The following ZNF28 variants were observed in gnomAD, a reference collection of about 807,000 sequenced individuals.
The protein encoded by ZNF28 is zinc finger protein 28.
Under a neutral mutation model 7.2 loss-of-function variants are expected in ZNF28, and 5 were observed. The ratio of observed to expected loss-of-function variants is 0.70; its 90% CI spans 0.36 to 1.46. The LOEUF is 1.46. Among genes scored for constraint, ZNF28 ranks in the 40% most tolerant of loss-of-function variants. The pLI is 0.03. For missense variants in ZNF28, 879 were observed against 866.6 expected (o/e 1.01, Z -0.18); for synonymous variants, 288 against 292.4 (o/e 0.99, Z 0.15).
intron 2 of ZNF28, chr19:52,810,285 G>A: frequency 1.4e-6 from 2 of 1,479,126 alleles, no homozygotes; most frequent in Non-Finnish European, 1.9e-6. Flanking sequence ...GTCCATTGAG[G>A]AGAAGATGGA....
rs1292060982 is a variant in ZNF28, at chr19:52,797,714, TAC to T, written c.*1972_*1973del. ...ATCAAAATGATTAAAAACATATAAA[TAC>T]ACATACAATCCATACTGATTGGAAA... On this transcript the variant is annotated 3_prime_UTR_variant, in exon 4 of 4. Coordinates refer to ENST00000457749, the MANE Select transcript of ZNF28 (RefSeq NM_006969.5). 6.5e-6 allele frequency: 1 copy of T among 153,156 alleles called. No homozygotes were observed. The highest frequency in any genetic ancestry group is 1.5e-5 in the Non-Finnish European group (1 of 68,030). The allele number at this position is 153,156 out of a possible 1,614,324, so 9.5% of individuals were successfully genotyped here.
rs768439695 is a variant in ZNF28 at position 52,800,916 on chromosome 19, C to A, written c.929G>T (p.Arg310Leu). ...ECEECDKVFS[R>L]KSHLETHKII... is the part of the protein sequence containing the mutation. ...CTTATGTGTTTCAAGGTGTGATTTG[C>A]GACTGAAAACTTTGTCACATTCTTC... The change falls in exon 4 of 4, where the codon CGC becomes CTC. Residue 310 changes from arginine to leucine, a missense_variant. Around this residue, in one of 2 missense-constraint regions of ZNF28, gnomAD observed 864 missense variants for 830.2 expected, o/e 1.04. Coordinates refer to ENST00000457749, the MANE Select transcript of ZNF28 (RefSeq NM_006969.5). 6 of 1,613,944 alleles carry A rather than the reference C, an allele frequency of 3.7e-6. No individual in the cohort carries two copies. The South Asian group carries it at 5.5e-5, about 15-fold the overall frequency.
chr19:52,806,970 T>G (rs114918869), intron 3 of ZNF28, among the ~76,000 whole-genome samples: 3,857 of 152,228 alleles, frequency 0.025, 62 homozygotes, highest in East Asian at 0.061. Flanking sequence ...AAAGATATCT[T>G]TTCAGAGATG....
chr19:52,804,730 C>A (rs1215106172), intron 3 of ZNF28, among the ~76,000 whole-genome samples: 1 of 152,078 alleles, frequency 6.6e-6, no homozygotes, highest in Non-Finnish European at 1.5e-5. Flanking sequence ...GTCTCAAACT[C>A]CTGACCTCAA....
intron 1 of ZNF28, among the ~76,000 whole-genome samples, chr19:52,818,664 G>T (rs554671391): frequency 1.7e-4 from 26 of 152,066 alleles, no homozygotes; most frequent in Non-Finnish European, 2.8e-4. Context: ...CCAAGATCGC[G>T]CCACTCCACT....
chr19:52,821,221 G>T (rs1406127008), intron 1 of ZNF28, among the ~76,000 whole-genome samples: 1 of 152,128 alleles, frequency 6.6e-6, no homozygotes, highest in Non-Finnish European at 1.5e-5. Context: ...GGGTCGCCGC[G>T]CTGTGCTCCA....
rs1305705731 is a variant in ZNF28, at chr19:52,798,534, G to T, written c.*1154C>A. Reference sequence around the variant, plus strand: ...ATGACATTTGTAAGATTTCTGTCCAGCATGGATTCTCTGATGTCTATTGAG... The same window carrying T: ...ATGACATTTGTAAGATTTCTGTCCATCATGGATTCTCTGATGTCTATTGAG... On this transcript the variant is annotated 3_prime_UTR_variant, in exon 4 of 4. Coordinates refer to ENST00000457749, the MANE Select transcript of ZNF28 (RefSeq NM_006969.5). 1 of 511,570 alleles carries T rather than the reference G, an allele frequency of 2.0e-6. No individual in the cohort carries two copies. Among genetic ancestry groups the T allele is most frequent in the East Asian group, 5.6e-5 (1 of 17,924 alleles). 31.7% of individuals were successfully genotyped at this position (511,570 alleles called of 1,614,324 possible).
At chr19:52,821,114 A>G (rs2063192012) in intron 1 of ZNF28, among the ~76,000 whole-genome samples, 1 of 152,120 alleles carries the variant, frequency 6.6e-6, no homozygotes. Flanking sequence ...AGCAGGGCCC[A>G]GCAAGAGGAG....
Position 52,800,483 on chromosome 19 carries a change from A to C in ZNF28, c.1362T>G (p.Leu454=), listed in dbSNP as rs952857896. 6 of 1,613,486 alleles carry C rather than the reference A, an allele frequency of 3.7e-6. No individual in the cohort carries two copies. The highest frequency in any genetic ancestry group is 1.6e-4 in the Middle Eastern group (1 of 6,084). The change falls in exon 4 of 4, where the codon CTT becomes CTG. Residue 454 remains leucine, a synonymous_variant. Transcript: ENST00000457749. ...CGKVFNQQST[L]ARHHRLHTAE... ...CAGTATGAAGTCTATGATGGCGTGC[A>C]AGAGTTGATTGTTGATTAAAAACCT...
chr19:52,811,109 G>T (rs912033000), intron 2 of ZNF28, among the ~76,000 whole-genome samples: 8 of 150,408 alleles, frequency 5.3e-5, no homozygotes, highest in African/African-American at 1.5e-4. Context: ...GGCTGGGCTG[G>T]TCTCCAGCTC....
At chr19:52,809,846 T>C (rs139455024) in intron 2 of ZNF28, 330 of 491,072 alleles carry the variant, frequency 6.7e-4, no homozygotes, top group Non-Finnish European at 1.0e-3. Context: ...GCGGTGGCGG[T>C]GGTGGCAGTA....
Position 52,801,466 on chromosome 19 carries a change from C to G in ZNF28, c.379G>C (p.Asp127His), listed in dbSNP as rs1332190676. The G allele has an allele frequency of 6.2e-7, 1 of 1,614,190 alleles. No homozygotes were observed. The highest frequency in any genetic ancestry group is 1.7e-5 in the Admixed American group (1 of 60,022). Residue 127 changes from aspartate (D) to histidine (H), a missense_variant, in exon 4 of 4, where the codon GAT becomes CAT. Asp to His is a moderately conservative substitution (Grantham distance 81). Around this residue, in one of 2 missense-constraint regions of ZNF28, gnomAD observed 864 missense variants for 830.2 expected, o/e 1.04. Transcript: ENST00000457749. Reference protein sequence around the residue: ...KELTGSTGQHDQRHAGNKHIK... With the variant: ...KELTGSTGQHHQRHAGNKHIK... ...TGCTTGTTTCCAGCATGCCTTTGATCATGTTGGCCTGTACTACCAGTCAAC... is the reference window on the plus strand; with the variant it reads ...TGCTTGTTTCCAGCATGCCTTTGATGATGTTGGCCTGTACTACCAGTCAAC...
At position 52,800,384 on chromosome 19, in the gene ZNF28, C is replaced by A; in HGVS notation, c.1461G>T (p.Arg487Ser). 2 of 1,613,898 alleles carry A rather than the reference C, an allele frequency of 1.2e-6. No homozygotes were observed. The highest frequency in any genetic ancestry group is 1.7e-6 in the Non-Finnish European group (2 of 1,179,958). Residue 487 changes from arginine (R) to serine (S), a missense_variant, in exon 4 of 4, where the codon AGG (arginine) becomes AGT (serine). By Grantham distance (110) the Arg-to-Ser change is moderately radical. Coordinates refer to ENST00000457749, the MANE Select transcript of ZNF28 (RefSeq NM_006969.5). Reference protein sequence around the residue: ...RCKSHLERHRRIHTGEKPYKC... With the variant: ...RCKSHLERHRSIHTGEKPYKC... ...TGTATGGTTTCTCTCCAGTATGAAT[C>A]CTCCTATGTCTTTCAAGGTGTGATT...
intron 2 of ZNF28, chr19:52,810,157 T>A (rs2062999987): frequency 2.1e-6 from 2 of 936,404 alleles, no homozygotes; most frequent in Non-Finnish European, 3.5e-6. Context: ...CTGGAAGCTA[T>A]CGAAGCTGGA....
At chr19:52,810,269 G>T in intron 2 of ZNF28, 1 of 1,402,960 alleles carries the variant, frequency 7.1e-7, no homozygotes, top group Admixed American at 1.7e-5. Flanking sequence ...CTGGCCCAGT[G>T]ATCACGTCCA....
intron 2 of ZNF28, among the ~76,000 whole-genome samples, chr19:52,812,403 T>C (rs1229433502): frequency 7.4e-6 from 1 of 135,362 alleles, no homozygotes; most frequent in East Asian, 2.0e-4. Flanking sequence ...GGGAGACTTT[T>C]CATTTTGTTC....
chr19:52,811,061 C>CA (rs1314481359), intron 2 of ZNF28, among the ~76,000 whole-genome samples: 5 of 148,762 alleles, frequency 3.4e-5, no homozygotes, highest in African/African-American at 1.2e-4. Context: ...GACTGGTTTT[C>CA]GTTTTTTTTT....
chr19:52,802,296 A>C (rs1258204119), intron 3 of ZNF28, among the ~76,000 whole-genome samples: 1 of 152,198 alleles, frequency 6.6e-6, no homozygotes, highest in Non-Finnish European at 1.5e-5. Flanking sequence ...GTTAAGCCAA[A>C]GGCAAAGGTT....
At chr19:52,803,702 C>T (rs2062901956) in intron 3 of ZNF28, among the ~76,000 whole-genome samples, 1 of 152,126 alleles carries the variant, frequency 6.6e-6, no homozygotes, top group Non-Finnish European at 1.5e-5. Context: ...CACGGTGGCG[C>T]ATGCCTGTAA....
Sources: gnomAD v4.1 joint callset for allele counts (sites outside exome capture counted in the v4.1 genomes callset) on GRCh38, gnomAD v4.1.1 for gene constraint, gnomAD v4.1.1 regional missense constraint, MANE v1.5 for transcripts, NCBI Gene and HGNC (gene_info 2026-07-23, HGNC 2026-07-21) for gene names.